NFIC: variants seen among roughly 807,000 people sequenced by gnomAD.
The protein encoded by NFIC is nuclear factor I C.
In NFIC, 12 loss-of-function variants were observed where a neutral mutation model predicts 54.4. That is an observed-to-expected ratio of 0.22 (90% CI 0.14 to 0.36). The LOEUF (loss-of-function observed/expected upper bound fraction) is 0.36, where lower values mean the gene tolerates loss of function less well. Among genes scored for constraint, NFIC ranks in the 10% least tolerant of loss-of-function variants. The pLI, the probability that NFIC is intolerant of heterozygous loss-of-function variation, is 1.00. For missense variants in NFIC, 575 were observed against 718.2 expected (o/e 0.80, Z 2.28); for synonymous variants, 322 against 319.2 (o/e 1.01, Z -0.09).
At chr19:3,392,500 CTGCATGAATGCATT>C (rs748028345) in intron 2 of NFIC, among the ~76,000 whole-genome samples, 9 of 152,262 alleles carry the variant, frequency 5.9e-5, no homozygotes, top group Non-Finnish European at 1.3e-4. Flanking sequence ...ATGCTGGTTT[CTGCATGAATGCATT>C]TGTGTGGGGA....
Position 3,463,614 on chromosome 19 carries a change from G to GGCCCCCCCCCCCCCCC in NFIC, c.*845_*846insGCCCCCCCCCCCCCCC. The stretch of plus-strand genomic sequence containing the variant: ...GGGAGGAGAAGTCTCTATGCAATTG[G>GGCCCCCCCCCCCCCCC]CCCCGGCCCCTCCACCCCCCACCCC... On this transcript the variant is annotated 3_prime_UTR_variant, in exon 11 of 11. Coordinates refer to ENST00000443272, the MANE Select transcript of NFIC (RefSeq NM_001245002.2). 1.0e-6 allele frequency: 1 copy of GGCCCCCCCCCCCCCCC among 959,114 alleles called. No homozygotes were observed. Among genetic ancestry groups the GGCCCCCCCCCCCCCCC allele is most frequent in the Non-Finnish European group, 1.2e-6 (1 of 807,850 alleles). 59.4% of individuals were successfully genotyped at this position (959,114 alleles called of 1,614,324 possible).
At chr19:3,448,804 G>T (rs1344015081) in intron 6 of NFIC, among the ~76,000 whole-genome samples, 1 of 152,138 alleles carries the variant, frequency 6.6e-6, no homozygotes, top group Non-Finnish European at 1.5e-5. Context: ...CCATCCCCCG[G>T]CTGTGCCGCC....
rs2082481263 is a variant in NFIC at position 3,452,518 on chromosome 19, A to G, written c.1121A>G (p.His374Arg). The G allele has an allele frequency of 6.2e-7, 1 of 1,612,864 alleles. No individual in the cohort carries two copies. The highest frequency in any genetic ancestry group is 1.3e-5 in the African/African-American group (1 of 74,886). ...ARSPHPSSAL[H>R]FPTTSILPQT... ...AGCCCACACCCGTCCTCCGCTCTGC[A>G]TTTCCCTACGACGTCCATCCTACCC... Residue 374 changes from histidine (H) to arginine (R), a missense_variant, in exon 8 of 11, where the codon CAT (histidine) becomes CGT (arginine). Coordinates refer to ENST00000443272, the MANE Select transcript of NFIC (RefSeq NM_001245002.2). The surrounding 1 kb of genome is among the most constrained non-coding windows in gnomAD (Gnocchi z 5.3).
intron 2 of NFIC, among the ~76,000 whole-genome samples, chr19:3,416,061 A>G (rs940183161): frequency 3.3e-5 from 5 of 151,756 alleles, no homozygotes; most frequent in African/African-American, 1.2e-4. Flanking sequence ...TACTTGGGAA[A>G]AGAAGGCAAG....
At chr19:3,449,455 G>T (rs1568193694) in intron 7 of NFIC, among the ~76,000 whole-genome samples, 1 of 151,868 alleles carries the variant, frequency 6.6e-6, no homozygotes, top group Non-Finnish European at 1.5e-5. Context: ...TGATGGACAG[G>T]CAGGATCAGA....
At chr19:3,372,891 C>T (rs548628276) in intron 1 of NFIC, among the ~76,000 whole-genome samples, 14 of 151,898 alleles carry the variant, frequency 9.2e-5, no homozygotes, top group Non-Finnish European at 1.3e-4. Context: ...GTCGCCCAGA[C>T]TAGAGTGCAG....
chr19:3,464,182 C>T lies in NFIC; in HGVS notation c.*1413C>T. The stretch of plus-strand genomic sequence containing the variant: ...TTTGCACTTTCATCGCCTACCCCGA[C>T]GCGGGGCCCAGCTGCGGGACGTGCA... On this transcript the variant is annotated 3_prime_UTR_variant, in exon 11 of 11. Transcript: ENST00000443272. 1.0e-6 allele frequency: 1 copy of T among 985,414 alleles called. No homozygotes were observed. Among genetic ancestry groups the T allele is most frequent in the Non-Finnish European group, 1.2e-6 (1 of 829,928 alleles). The allele number at this position is 985,414 out of a possible 1,614,324, so 61.0% of individuals were successfully genotyped here. A position where few individuals can be genotyped will look rare whatever the true frequency, so the allele number is the denominator to read the frequency against.
Position 3,459,118 on chromosome 19 carries a change from C to G in NFIC, c.1509+2483C>G, listed in dbSNP as rs2082603459. Among the ~76,000 whole-genome samples, 2 of 152,156 alleles carry G rather than the reference C, an allele frequency of 1.3e-5. No homozygotes were observed. The highest frequency in any genetic ancestry group is 4.1e-4 in the South Asian group (2 of 4,828). ...CCTCTCATTTCCGATTCTGGCCAGT[C>G]AGCACTTCTGCCTCCGCCTCCTCTA... On this transcript the variant is annotated intron_variant, in intron 10 of 10. Coordinates refer to ENST00000443272, the MANE Select transcript of NFIC (RefSeq NM_001245002.2). The surrounding 1 kb of genome is among the most constrained non-coding windows in gnomAD (Gnocchi z 4.2).
chr19:3,366,993 C>T (rs897163327), intron 1 of NFIC, among the ~76,000 whole-genome samples: 3 of 151,734 alleles, frequency 2.0e-5, no homozygotes, highest in Admixed American at 6.5e-5. Flanking sequence ...TCCGCACCCC[C>T]GCCCCGACAC....
At chr19:3,362,336 G>A (rs1355940147), upstream of NFIC, among the ~76,000 whole-genome samples, 3 of 151,990 alleles carry the variant, frequency 2.0e-5, no homozygotes, top group Non-Finnish European at 4.4e-5. Context: ...ATATCCATGC[G>A]TTGTGCTTGT....
chr19:3,437,598 T>C, intron 6 of NFIC, among the ~76,000 whole-genome samples: 1 of 139,990 alleles, frequency 7.1e-6, no homozygotes, highest in East Asian at 2.2e-4. Flanking sequence ...ATCACGCCAG[T>C]GCACGCCAGC....
chr19:3,363,265 A>ATT (rs1163144146), upstream of NFIC, among the ~76,000 whole-genome samples: 54 of 48,682 alleles, frequency 1.1e-3, no homozygotes, highest in East Asian at 3.9e-3. Flanking sequence ...ATATATATAT[A>ATT]TATATTTTTT....
chr19:3,442,906 A>G (rs1055837561), intron 6 of NFIC, among the ~76,000 whole-genome samples: 10 of 152,242 alleles, frequency 6.6e-5, no homozygotes, highest in African/African-American at 1.9e-4. Context: ...AGAGGAGGCT[A>G]GTGCCTTCAC....
chr19:3,456,667 G>A, intron 10 of NFIC, 32 bp downstream of exon 10: 2 of 1,336,678 alleles, frequency 1.5e-6, no homozygotes, highest in Non-Finnish European at 2.1e-6. Context: ...GGTGGGGTGG[G>A]AGGGGCAGGG....
intron 6 of NFIC, among the ~76,000 whole-genome samples, chr19:3,442,380 C>CTT (rs10622379): frequency 0.27 from 36,104 of 132,426 alleles, 5,792 homozygotes; most frequent in East Asian, 0.73. Context: ...CTTCCCATCC[C>CTT]TTTTTTTTTT....
intron 6 of NFIC, among the ~76,000 whole-genome samples, chr19:3,441,313 C>G (rs890874804): frequency 6.6e-6 from 1 of 152,240 alleles, no homozygotes; most frequent in South Asian, 2.1e-4. Flanking sequence ...CAGGGTACCT[C>G]GCTCTCTTTG....
Position 3,463,558 on chromosome 19 carries a change from G to T in NFIC, c.*789G>T, listed in dbSNP as rs1232206080. 3.0e-6 allele frequency: 3 copies of T among 984,896 alleles called. No homozygotes were observed. In the East Asian group the frequency reaches 3.4e-4, roughly 113 times the overall value. 61.0% of individuals were successfully genotyped at this position (984,896 alleles called of 1,614,324 possible). On this transcript the variant is annotated 3_prime_UTR_variant, in exon 11 of 11. Coordinates refer to ENST00000443272, the MANE Select transcript of NFIC (RefSeq NM_001245002.2). ...GCCGGCCGACTCGCTGTCTCGCTGGGGACTCTTTCAGCCCTCGCGCCCGCC... is the reference window on the plus strand; with the variant it reads ...GCCGGCCGACTCGCTGTCTCGCTGGTGACTCTTTCAGCCCTCGCGCCCGCC...
chr19:3,445,184 CACAT>C (rs1006397923), intron 6 of NFIC, among the ~76,000 whole-genome samples: 4 of 152,184 alleles, frequency 2.6e-5, no homozygotes, highest in African/African-American at 7.2e-5. Flanking sequence ...TGCACGCACA[CACAT>C]GCATGTATTC....
At position 3,417,356 on chromosome 19, in the gene NFIC, G is replaced by A. The variant is rs141095458; in HGVS notation, c.563-7750G>A. Among the ~76,000 whole-genome samples, 662 of 152,270 alleles carry A rather than the reference G, an allele frequency of 4.3e-3. 8 individuals are homozygous for A. Among genetic ancestry groups the A allele is most frequent in the African/African-American group, 0.014 (591 of 41,572 alleles). Reference sequence around the variant, plus strand: ...TGACACCAGCTTTGGGAAATACGCTGTGCGCACTGGGCCTTGGTTGACCAA... The same window carrying A: ...TGACACCAGCTTTGGGAAATACGCTATGCGCACTGGGCCTTGGTTGACCAA... On this transcript the variant is annotated intron_variant, in intron 2 of 10. Transcript: ENST00000443272.
Sources: allele counts gnomAD v4.1 joint callset (sites outside exome capture counted in the v4.1 genomes callset), GRCh38; gene constraint gnomAD v4.1.1; non-coding constraint Gnocchi (gnomAD v3.1); transcripts MANE v1.5; gene names NCBI Gene and HGNC (gene_info 2026-07-23, HGNC 2026-07-21).